TCERG1L: variants seen among roughly 807,000 people sequenced by gnomAD.
The protein encoded by TCERG1L is transcription elongation regulator 1-like protein.
In TCERG1L, 37 loss-of-function variants were observed where a neutral mutation model predicts 56.3. The observed-to-expected ratio is 0.66, with a 90% CI of 0.51 to 0.87. TCERG1L has a LOEUF of 0.87. Among genes scored for constraint, TCERG1L ranks in the 40% least tolerant of loss-of-function variants. The pLI is 0.00. For missense variants in TCERG1L, 799 were observed against 774.2 expected (o/e 1.03, Z -0.38); for synonymous variants, 324 against 326.3 (o/e 0.99, Z 0.08).
Position 131,135,142 on chromosome 10 carries a change from T to A in TCERG1L, c.1190-694A>T, listed in dbSNP as rs10765038. Among the ~76,000 whole-genome samples, 952 of 152,146 alleles carry A rather than the reference T, an allele frequency of 6.3e-3. 4 individuals are homozygous for A. The highest frequency in any genetic ancestry group is 0.01 in the Non-Finnish European group (689 of 67,988). ...AGCGTGCAGATGGTCTGGAGTGTCATCCAGACCAAAAATTTTTGTATTTTT... is the reference window on the plus strand; with the variant it reads ...AGCGTGCAGATGGTCTGGAGTGTCAACCAGACCAAAAATTTTTGTATTTTT... On this transcript the variant is annotated intron_variant, in intron 7 of 11. Coordinates refer to ENST00000368642, the MANE Select transcript of TCERG1L (RefSeq NM_174937.4).
chr10:131,280,774 C>T (rs1006880362), intron 3 of TCERG1L, among the ~76,000 whole-genome samples: 2 of 152,120 alleles, frequency 1.3e-5, no homozygotes, highest in Non-Finnish European at 2.9e-5. Context: ...CATGTATACC[C>T]AGGTAGTCTC....
At chr10:131,133,147 G>A (rs1049322707) in intron 8 of TCERG1L, among the ~76,000 whole-genome samples, 4 of 152,228 alleles carry the variant, frequency 2.6e-5, no homozygotes, top group South Asian at 2.1e-4. Flanking sequence ...TGCCCTGACC[G>A]CCCTGGCTGC....
intron 6 of TCERG1L, among the ~76,000 whole-genome samples, chr10:131,148,557 G>T (rs1564801577): frequency 1.4e-5 from 2 of 143,040 alleles, no homozygotes; most frequent in Non-Finnish European, 3.1e-5. Context: ...CACATGCAGA[G>T]AAACACACAT....
intron 3 of TCERG1L, among the ~76,000 whole-genome samples, chr10:131,286,308 C>T (rs942289634): frequency 6.6e-6 from 1 of 152,160 alleles, no homozygotes; most frequent in African/African-American, 2.4e-5. Flanking sequence ...GTTAAGTGAA[C>T]TCTGATTCAT....
chr10:131,133,608 C>T (rs1233354834), intron 8 of TCERG1L, among the ~76,000 whole-genome samples: 1 of 152,152 alleles, frequency 6.6e-6, no homozygotes, highest in African/African-American at 2.4e-5. Context: ...AACATGGGGC[C>T]CAGCAGCCAC....
At chr10:131,293,551 C>G (rs943144232) in intron 3 of TCERG1L, among the ~76,000 whole-genome samples, 1 of 152,034 alleles carries the variant, frequency 6.6e-6, no homozygotes, top group South Asian at 2.1e-4. Flanking sequence ...CCAAGATAAC[C>G]TCCCCTCTGC....
rs574556361 is a variant in TCERG1L at position 131,159,108 on chromosome 10, C to T, written c.1034+4014G>A. Among the ~76,000 whole-genome samples the T allele has an allele frequency of 1.6e-3, 248 of 152,350 alleles. 1 individual carries two copies. Among genetic ancestry groups the T allele is most frequent in the Middle Eastern group, 6.8e-3 (2 of 294 alleles). ...ACCTTCTGCGGGGCAGGTGGGTTCT[C>T]ACTCACGGTTGGGGGCCTCGGCAGG... On this transcript the variant is annotated intron_variant, in intron 6 of 11. Transcript: ENST00000368642.
chr10:131,194,307 C>G (rs1845334351), intron 4 of TCERG1L, among the ~76,000 whole-genome samples: 1 of 152,264 alleles, frequency 6.6e-6, no homozygotes, highest in South Asian at 2.1e-4. Flanking sequence ...CGAAGGGAGA[C>G]AGGTGATATC....
chr10:131,196,633 C>A (rs1845366440), intron 4 of TCERG1L, among the ~76,000 whole-genome samples: 1 of 152,190 alleles, frequency 6.6e-6, no homozygotes, highest in African/African-American at 2.4e-5. Context: ...AGGAGGAGCC[C>A]TGGAGCTCGG....
intron 6 of TCERG1L, chr10:131,160,617 C>T (rs140713802): frequency 1.3e-5 from 2 of 152,330 alleles, no homozygotes; most frequent in African/African-American, 4.8e-5. Flanking sequence ...GACCAAGCTA[C>T]CTCCCACGTG....
At chr10:131,143,277 C>T (rs1018666719) in intron 7 of TCERG1L, among the ~76,000 whole-genome samples, 3 of 152,156 alleles carry the variant, frequency 2.0e-5, no homozygotes. Context: ...CAGGCGGTCC[C>T]TCCCCTCTCC....
At chr10:131,113,849 G>A (rs1305112185) in intron 9 of TCERG1L, among the ~76,000 whole-genome samples, 1 of 142,314 alleles carries the variant, frequency 7.0e-6, no homozygotes, top group East Asian at 2.4e-4. Context: ...TTTACAGAAG[G>A]AAAATGTTCT....
intron 3 of TCERG1L, among the ~76,000 whole-genome samples, chr10:131,272,127 C>G (rs981991234): frequency 6.6e-6 from 1 of 152,184 alleles, no homozygotes; most frequent in African/African-American, 2.4e-5. Context: ...GGGACTCCGT[C>G]AACAGCACAG....
chr10:131,155,421 C>T (rs1047917518), intron 6 of TCERG1L, among the ~76,000 whole-genome samples: 1 of 152,218 alleles, frequency 6.6e-6, no homozygotes, highest in African/African-American at 2.4e-5. Context: ...CACAAGTCCC[C>T]GGAGGCTTGC....
intron 4 of TCERG1L, among the ~76,000 whole-genome samples, chr10:131,220,372 T>C (rs1041830235): frequency 4.6e-5 from 7 of 152,200 alleles, no homozygotes; most frequent in African/African-American, 1.7e-4. Flanking sequence ...CTTGGGCCTC[T>C]GGCTCTGTCT....
At chr10:131,194,161 G>A (rs1330434913) in intron 4 of TCERG1L, among the ~76,000 whole-genome samples, 1 of 152,258 alleles carries the variant, frequency 6.6e-6, no homozygotes, top group Non-Finnish European at 1.5e-5. Context: ...TCTTCATAAA[G>A]GTTCGCTTTG....
intron 4 of TCERG1L, among the ~76,000 whole-genome samples, chr10:131,259,629 C>T (rs922046936): frequency 6.6e-6 from 1 of 152,250 alleles, no homozygotes. Flanking sequence ...ATCAATGCAT[C>T]TCACACCTCT....
intron 4 of TCERG1L, among the ~76,000 whole-genome samples, chr10:131,178,072 G>T (rs377043827): frequency 6.6e-6 from 1 of 152,046 alleles, no homozygotes; most frequent in South Asian, 2.1e-4. Context: ...TCTCAGGAGT[G>T]GGGGGAGCCT....
In TCERG1L at chr10:131,180,901, C is replaced by A. The variant is rs1044348364; in HGVS notation, c.857-14016G>T. Among the ~76,000 whole-genome samples the A allele has an allele frequency of 5.3e-5, 8 of 152,192 alleles. No homozygotes were observed. In the East Asian group the frequency reaches 1.5e-3, roughly 29 times the overall value. On this transcript the variant is annotated intron_variant, in intron 4 of 11. Coordinates refer to ENST00000368642, the MANE Select transcript of TCERG1L (RefSeq NM_174937.4). ...AAAGGGAGACGTGTGAATCCCCACG[C>A]TTCCCATCGCTGACTGCATCCTATT...
Sources: gnomAD v4.1 joint callset for allele counts (sites outside exome capture counted in the v4.1 genomes callset) on GRCh38, gnomAD v4.1.1 for gene constraint, MANE v1.5 for transcripts, NCBI Gene and HGNC (gene_info 2026-07-23, HGNC 2026-07-21) for gene names.